Variants in OPHN1 observed in about 807,000 individuals in gnomAD.
The protein encoded by OPHN1 is oligophrenin-1.
In OPHN1, 11 loss-of-function variants were observed where a neutral mutation model predicts 60.7. The ratio of observed to expected loss-of-function variants is 0.18; its 90% CI spans 0.11 to 0.30. OPHN1 has a LOEUF of 0.30. Among genes scored for constraint, OPHN1 ranks in the 10% least tolerant of loss-of-function variants. The probability of loss-of-function intolerance (pLI) is 1.00; values close to 1 mark genes in which losing one functional copy is unlikely to be tolerated. For missense variants in OPHN1, 449 were observed against 611.0 expected (o/e 0.73, Z 2.80); for synonymous variants, 226 against 222.6 (o/e 1.02, Z -0.14).
intron 6 of OPHN1, among the ~76,000 whole-genome samples, chrX:68,221,623 C>T (rs1226423119): frequency 5.6e-5 from 5 of 89,644 alleles, no homozygotes; most frequent in East Asian, 7.7e-4. Flanking sequence ...GAAATAATGC[C>T]GCATACCTAC....
At chrX:68,432,806 A>G (rs867061341) in intron 2 of OPHN1, 61 bp downstream of exon 2, 2 of 1,155,892 alleles carry the variant, frequency 1.7e-6, no homozygotes, top group Middle Eastern at 2.4e-4. Flanking sequence ...GGTGGTGTGG[A>G]AAGGCTTAAA....
At chrX:68,098,616 C>G (rs1260645457) in intron 18 of OPHN1, among the ~76,000 whole-genome samples, 1 of 112,181 alleles carries the variant, frequency 8.9e-6, no homozygotes, top group Non-Finnish European at 1.9e-5. Flanking sequence ...AGCAACCATT[C>G]ATAGCTTTTG....
At chrX:68,308,462 T>C (rs142179022) in intron 2 of OPHN1, among the ~76,000 whole-genome samples, 151 of 108,890 alleles carry the variant, frequency 1.4e-3, no homozygotes, top group Non-Finnish European at 2.6e-3. Flanking sequence ...CGTGGTGGTG[T>C]GTGCCTGTGG....
At chrX:68,404,427 G>C (rs1487090563) in intron 2 of OPHN1, among the ~76,000 whole-genome samples, 3 of 110,979 alleles carry the variant, frequency 2.7e-5, no homozygotes, top group Non-Finnish European at 5.7e-5. Context: ...CAAAGTGCTG[G>C]GATTACAGGT....
intron 15 of OPHN1, among the ~76,000 whole-genome samples, chrX:68,120,341 A>T (rs2077145592): frequency 8.9e-6 from 1 of 112,135 alleles, no homozygotes; most frequent in Non-Finnish European, 1.9e-5. Context: ...TCGCATTTCT[A>T]CAGACTAACA....
chrX:68,380,378 G>C (rs1383786717), intron 2 of OPHN1, among the ~76,000 whole-genome samples: 5 of 110,737 alleles, frequency 4.5e-5, no homozygotes, highest in Non-Finnish European at 3.8e-5. Flanking sequence ...TTCAAAAAAC[G>C]AGCTCCTGTA....
chrX:68,252,732 T>C (rs186798130), intron 5 of OPHN1, among the ~76,000 whole-genome samples: 11 of 111,901 alleles, frequency 9.8e-5, no homozygotes, highest in East Asian at 2.8e-4. Context: ...CTTTTAACTA[T>C]TGAATTCTGG....
At chrX:68,372,143 C>A (rs1284419767) in intron 2 of OPHN1, among the ~76,000 whole-genome samples, 1 of 112,101 alleles carries the variant, frequency 8.9e-6, no homozygotes, top group Non-Finnish European at 1.9e-5. Flanking sequence ...TTAAAAGATG[C>A]AAAAAGCAAT....
chrX:68,283,144 C>G (rs2078026309), intron 3 of OPHN1, 27 bp from the exon 4 acceptor site: 1 of 1,126,067 alleles, frequency 8.9e-7, no homozygotes, highest in African/African-American at 1.8e-5. Flanking sequence ...AAATGTAAAA[C>G]AAATTAATCA....
chrX:68,416,799 A>G (rs182922496), intron 2 of OPHN1, among the ~76,000 whole-genome samples: 6 of 112,154 alleles, frequency 5.3e-5, no homozygotes, highest in East Asian at 2.8e-4. Context: ...GCCCCACCCA[A>G]CAACAGCCAA....
intron 2 of OPHN1, among the ~76,000 whole-genome samples, chrX:68,321,923 A>T (rs1020907575): frequency 9.3e-6 from 1 of 107,156 alleles, no homozygotes; most frequent in Non-Finnish European, 1.9e-5. Flanking sequence ...CAAAATAAAG[A>T]AAAAAAAAAG....
chrX:68,050,673 T>C (rs931030058), intron 23 of OPHN1, among the ~76,000 whole-genome samples: 7 of 112,368 alleles, frequency 6.2e-5, no homozygotes, highest in African/African-American at 1.9e-4. Context: ...TCTAGTTCTA[T>C]TCTTTTTTCA....
At chrX:68,064,856 G>C (rs753991022) in intron 20 of OPHN1, among the ~76,000 whole-genome samples, 1 of 111,656 alleles carries the variant, frequency 9.0e-6, no homozygotes, top group South Asian at 3.8e-4. Context: ...ATAAACCCCA[G>C]ATTGAGAATG....
At chrX:68,377,879 T>C (rs1471081940) in intron 2 of OPHN1, among the ~76,000 whole-genome samples, 3 of 111,947 alleles carry the variant, frequency 2.7e-5, no homozygotes, top group East Asian at 2.8e-4. Flanking sequence ...TGAATAATGC[T>C]GCAATAAACA....
At chrX:68,310,985 T>C (rs1375924982) in intron 2 of OPHN1, among the ~76,000 whole-genome samples, 3 of 112,320 alleles carry the variant, frequency 2.7e-5, no homozygotes, top group Non-Finnish European at 5.6e-5. Flanking sequence ...CCAGGTGCCA[T>C]GGCTCATGCC....
At chrX:68,217,274 T>G (rs1426197780) in intron 6 of OPHN1, among the ~76,000 whole-genome samples, 2 of 111,922 alleles carry the variant, frequency 1.8e-5, no homozygotes, top group East Asian at 5.7e-4. Context: ...GCTCGGAGGA[T>G]CCTACGCCCA....
At chrX:68,397,460 C>CT (rs767285762) in intron 2 of OPHN1, among the ~76,000 whole-genome samples, 4,034 of 50,007 alleles carry the variant, frequency 0.081, 333 homozygotes, top group African/African-American at 0.23. Context: ...CTTTTATGTT[C>CT]TTTTTTTTTT....
chrX:68,426,552 T>TTATATATA (rs765336463), intron 2 of OPHN1, among the ~76,000 whole-genome samples: 13 of 16,170 alleles, frequency 8.0e-4, no homozygotes, highest in Non-Finnish European at 4.5e-3. Context: ...GACATCTGTT[T>TTATATATA]TATATATATA....
chrX:68,163,997 T>C (rs2077347259), intron 15 of OPHN1, among the ~76,000 whole-genome samples: 1 of 111,771 alleles, frequency 8.9e-6, no homozygotes, highest in South Asian at 3.7e-4. Flanking sequence ...AAAAACTCCT[T>C]CCATTTATGG....
Sources: allele counts gnomAD v4.1 joint callset (sites outside exome capture counted in the v4.1 genomes callset), GRCh38; gene constraint gnomAD v4.1.1; transcripts MANE v1.5; gene names NCBI Gene and HGNC (gene_info 2026-07-23, HGNC 2026-07-21).